CLCN1: variants seen among roughly 807,000 people sequenced by gnomAD.
CLCN1 encodes chloride voltage-gated channel 1, also known as chloride channel protein 1.
A neutral mutation model predicts 114.5 loss-of-function variants in CLCN1; 100 were observed. The observed-to-expected ratio is 0.87, with a 90% CI of 0.74 to 1.03. The LOEUF (loss-of-function observed/expected upper bound fraction) is 1.03. Ranked by LOEUF, CLCN1 falls within the 50% of genes least tolerant of loss-of-function variation. The pLI is 0.00. For missense variants in CLCN1, 1,188 were observed against 1,250.0 expected, an observed-to-expected ratio of 0.95 and a Z score of 0.75; for synonymous variants, 485 against 487.1, an observed-to-expected ratio of 1.00 and a Z score of 0.06.
At chr7:143,347,311 G>A (rs1472211700) in intron 20 of CLCN1, among the ~76,000 whole-genome samples, 1 of 151,972 alleles carries the variant, frequency 6.6e-6, no homozygotes, top group African/African-American at 2.4e-5. Flanking sequence ...CAGCAACATA[G>A]AAGAAGAACA....
At chr7:143,323,528 C>T (rs532710779) in intron 6 of CLCN1, 142 bp downstream of exon 6, 12 of 732,500 alleles carry the variant, frequency 1.6e-5, no homozygotes, top group African/African-American at 5.2e-5. Context: ...CTCCCTTCCT[C>T]GTCTCCCTGT....
At chr7:143,351,086 T>A (rs1803385419) in intron 22 of CLCN1, among the ~76,000 whole-genome samples, 1 of 152,154 alleles carries the variant, frequency 6.6e-6, no homozygotes, top group African/African-American at 2.4e-5. Flanking sequence ...CACCCCTCTG[T>A]ATTTCTTATG....
At position 143,316,155 on chromosome 7, in the gene CLCN1, T is replaced by C. The variant is rs1414298410; in HGVS notation, c.-58T>C. The C allele has an allele frequency of 3.6e-6, 5 of 1,394,062 alleles. No homozygotes were observed. Among genetic ancestry groups the C allele is most frequent in the Non-Finnish European group, 5.0e-6 (5 of 996,066 alleles). The allele number at this position is 1,394,062 out of a possible 1,614,324, so 86.4% of individuals were successfully genotyped here. ...AGAGCAGAGGCTTAAGGAGCTACAC[T>C]GGGGGAAGGACAGGGGCAAGCAGGC... is the stretch of plus-strand genomic sequence containing the variant. On this transcript the variant is annotated 5_prime_UTR_variant, in exon 1 of 23. Transcript: ENST00000343257.
At chr7:143,325,748 G>A (rs190370270) in intron 7 of CLCN1, among the ~76,000 whole-genome samples, 147 of 152,206 alleles carry the variant, frequency 9.7e-4, no homozygotes, top group African/African-American at 3.3e-3. Context: ...CATTTTCCTC[G>A]TAAAATTGGA....
chr7:143,349,060 T>C (rs999059833), intron 20 of CLCN1, among the ~76,000 whole-genome samples: 2 of 152,208 alleles, frequency 1.3e-5, no homozygotes, highest in African/African-American at 4.8e-5. Context: ...GAGGATGTAC[T>C]TGATAATCAT....
chr7:143,323,194 C>T (rs554695509), intron 5 of CLCN1, 115 bp from the exon 6 acceptor site: 3 of 731,500 alleles, frequency 4.1e-6, no homozygotes, highest in Admixed American at 3.6e-5. Flanking sequence ...TGTGTAACTC[C>T]CGTATTTCCA....
chr7:143,341,624 A>C (rs1433141465), intron 14 of CLCN1, among the ~76,000 whole-genome samples: 33 of 151,736 alleles, frequency 2.2e-4, no homozygotes, highest in Non-Finnish European at 4.4e-5. Context: ...TAAAATGCTC[A>C]GTGAATAATC....
In CLCN1 at chr7:143,339,732, A is replaced by T; in HGVS notation, c.1582+111A>T. The T allele has an allele frequency of 2.6e-6, 2 of 762,452 alleles. No individual in the cohort carries two copies. Among genetic ancestry groups the T allele is most frequent in the Non-Finnish European group, 4.7e-6 (2 of 427,504 alleles). The allele number at this position is 762,452 out of a possible 1,614,324, so 47.2% of individuals were successfully genotyped here. A position where few individuals can be genotyped will look rare whatever the true frequency, so the allele number is the denominator to read the frequency against. On this transcript the variant is annotated intron_variant, in intron 14 of 22. Transcript: ENST00000343257. The surrounding 1 kb of genome is among the most constrained non-coding windows in gnomAD (Gnocchi z 4.1). ...AGGCTACACAATACGGTTTTAATTTAGTGCTACTTAACTCAACTTTTACTC... is the reference window on the plus strand; with the variant it reads ...AGGCTACACAATACGGTTTTAATTTTGTGCTACTTAACTCAACTTTTACTC...
intron 1 of CLCN1, among the ~76,000 whole-genome samples, chr7:143,319,397 C>T (rs1041506913): frequency 2.0e-5 from 3 of 152,176 alleles, no homozygotes; most frequent in East Asian, 1.9e-4. Context: ...ATACAGAAAG[C>T]GCAGTGACAC....
intron 10 of CLCN1, among the ~76,000 whole-genome samples, chr7:143,331,886 T>G (rs1802734291): frequency 6.6e-6 from 1 of 152,208 alleles, no homozygotes; most frequent in Non-Finnish European, 1.5e-5. Context: ...TGGAGTGCAG[T>G]GGTGCGATCT....
At chr7:143,341,469 G>A (rs1183865552) in intron 14 of CLCN1, among the ~76,000 whole-genome samples, 1 of 151,962 alleles carries the variant, frequency 6.6e-6, no homozygotes, top group Non-Finnish European at 1.5e-5. Flanking sequence ...TGAGGCAGGA[G>A]AATCACTTGA....
chr7:143,329,452 T>A (rs1802664311), intron 7 of CLCN1, among the ~76,000 whole-genome samples: 1 of 152,222 alleles, frequency 6.6e-6, no homozygotes, highest in South Asian at 2.1e-4. Context: ...CTGGAAATCC[T>A]CTGCCAAACT....
Position 143,350,762 on chromosome 7 carries a change from T to C in CLCN1, c.2595+108T>C. On this transcript the variant is annotated intron_variant, in intron 22 of 22. Coordinates refer to ENST00000343257, the MANE Select transcript of CLCN1 (RefSeq NM_000083.3). The surrounding 1 kb of genome is among the most constrained non-coding windows in gnomAD (Gnocchi z 5.1). Reference sequence around the variant, plus strand: ...TAGCATCTCAGAAGTCCCCTCAGATTCCCTTCTCTATTTCTTTCTTTTTTT... The same window carrying C: ...TAGCATCTCAGAAGTCCCCTCAGATCCCCTTCTCTATTTCTTTCTTTTTTT... 1.3e-6 allele frequency: 1 copy of C among 786,570 alleles called. No individual in the cohort carries two copies. The highest frequency in any genetic ancestry group is 2.2e-5 in the Admixed American group (1 of 45,794). The allele number at this position is 786,570 out of a possible 1,614,324, so 48.7% of individuals were successfully genotyped here.
At chr7:143,332,275 T>A (rs1206590494) in intron 10 of CLCN1, 144 bp from the exon 11 acceptor site, 6 of 782,150 alleles carry the variant, frequency 7.7e-6, no homozygotes, top group Non-Finnish European at 1.4e-5. Flanking sequence ...GCCTCAAATA[T>A]TGGTTTTTTG....
intron 2 of CLCN1, 93 bp downstream of exon 2, chr7:143,319,968 C>T: frequency 1.5e-6 from 2 of 1,332,578 alleles, no homozygotes; most frequent in South Asian, 1.2e-5. Context: ...GTACGTACTC[C>T]CTGCCCTGCT....
intron 12 of CLCN1, among the ~76,000 whole-genome samples, chr7:143,335,528 G>T (rs1802852095): frequency 6.6e-6 from 1 of 152,050 alleles, no homozygotes. Flanking sequence ...TTTTTAGCTA[G>T]GTAGGATACA....
intron 12 of CLCN1, among the ~76,000 whole-genome samples, chr7:143,337,580 G>C (rs1369557094): frequency 6.6e-6 from 1 of 152,136 alleles, no homozygotes; most frequent in East Asian, 1.9e-4. Context: ...ATTGCGCACA[G>C]CTCTAAAATT....
Position 143,332,893 on chromosome 7 carries a change from C to G in CLCN1, c.1401+20C>G. 6.2e-7 allele frequency: 1 copy of G among 1,613,362 alleles called. No individual in the cohort carries two copies. Among genetic ancestry groups the G allele is most frequent in the Non-Finnish European group, 8.5e-7 (1 of 1,179,280 alleles). ...ATGAAGGTACTGCTCCTGACACTAG[C>G]AACACCCTAAACCTCCATCTGTTTT... On this transcript the variant is annotated intron_variant, in intron 12 of 22. Transcript: ENST00000343257.
chr7:143,342,561 T>A, intron 16 of CLCN1, 56 bp downstream of exon 16: 1 of 1,579,434 alleles, frequency 6.3e-7, no homozygotes, highest in Admixed American at 1.7e-5. Flanking sequence ...AAGGGTCACA[T>A]AGAGGTAGAG....
Sources: allele counts gnomAD v4.1 joint callset (sites outside exome capture counted in the v4.1 genomes callset), GRCh38; gene constraint gnomAD v4.1.1; non-coding constraint Gnocchi (gnomAD v3.1); transcripts MANE v1.5; gene names NCBI Gene and HGNC (gene_info 2026-07-23, HGNC 2026-07-21).